The following TRAPPC9 variants were observed in gnomAD, a reference collection of about 807,000 sequenced individuals.
TRAPPC9 encodes the protein trafficking protein particle complex subunit 9.
TRAPPC9 carries 83 observed loss-of-function variants against 124.0 expected under a neutral mutation model. The ratio of observed to expected loss-of-function variants is 0.67; its 90% CI spans 0.56 to 0.80. The LOEUF is 0.80. Ranked by LOEUF, TRAPPC9 falls within the 30% of genes least tolerant of loss-of-function variation. The pLI, the probability that TRAPPC9 is intolerant of heterozygous loss-of-function variation, is 0.00. For synonymous variants in TRAPPC9, 638 were observed against 617.5 expected (o/e 1.03, Z -0.49); for missense variants, 1,302 against 1,508.3 (o/e 0.86, Z 2.27).
rs2071735768 is a variant in TRAPPC9, at chr8:140,457,696, G to A, written c.-68C>T. ...CCACGACCTGGCGGGCAGCGGGGCC[G>A]AGCAGCCTCTGCGGCCACTTCCCAG... On this transcript the variant is annotated 5_prime_UTR_variant, in exon 1 of 23. Transcript: ENST00000438773. The A allele has an allele frequency of 2.1e-5, 21 of 987,240 alleles. No homozygotes were observed. Among genetic ancestry groups the A allele is most frequent in the Non-Finnish European group, 2.3e-5 (19 of 831,220 alleles). The allele number at this position is 987,240 out of a possible 1,614,324, so 61.2% of individuals were successfully genotyped here.
At chr8:139,770,262 C>T (rs1365276074) in intron 21 of TRAPPC9, among the ~76,000 whole-genome samples, 1 of 152,274 alleles carries the variant, frequency 6.6e-6, no homozygotes, top group Non-Finnish European at 1.5e-5. Context: ...TCTGCTGCCA[C>T]CTCCCGACCT....
At chr8:140,014,858 C>T (rs546187686) in intron 18 of TRAPPC9, among the ~76,000 whole-genome samples, 2 of 152,200 alleles carry the variant, frequency 1.3e-5, no homozygotes, top group East Asian at 1.9e-4. Flanking sequence ...ATGGGATGCC[C>T]GACGCAACAC....
intron 16 of TRAPPC9, among the ~76,000 whole-genome samples, chr8:140,236,755 C>T (rs1312161502): frequency 1.3e-5 from 2 of 152,158 alleles, no homozygotes; most frequent in Admixed American, 6.5e-5. Flanking sequence ...AATGAAGAGA[C>T]ATACAATATT....
intron 17 of TRAPPC9, among the ~76,000 whole-genome samples, chr8:140,165,501 T>C (rs1232211727): frequency 6.7e-6 from 1 of 148,730 alleles, no homozygotes; most frequent in African/African-American, 2.5e-5. Context: ...ATCACGCCAC[T>C]GCACGCCAGC....
At chr8:140,106,035 T>TA (rs200155377) in intron 17 of TRAPPC9, among the ~76,000 whole-genome samples, 1,065 of 96,598 alleles carry the variant, frequency 0.011, 8 homozygotes, top group African/African-American at 0.03. Context: ...AATGATGAAC[T>TA]AAAAAAAAAA....
chr8:139,827,229 G>A (rs1353708844), intron 21 of TRAPPC9, among the ~76,000 whole-genome samples: 2 of 152,222 alleles, frequency 1.3e-5, no homozygotes, highest in Non-Finnish European at 2.9e-5. Flanking sequence ...CAGGGTAGTG[G>A]CTCCCTGTGC....
intron 17 of TRAPPC9, among the ~76,000 whole-genome samples, chr8:140,187,760 G>A (rs1334983197): frequency 1.3e-5 from 2 of 151,864 alleles, no homozygotes; most frequent in African/African-American, 4.8e-5. Context: ...CTGCAGCCTC[G>A]ACCTCCTGGG....
At chr8:140,065,702 C>G (rs1842865399) in intron 17 of TRAPPC9, among the ~76,000 whole-genome samples, 1 of 152,214 alleles carries the variant, frequency 6.6e-6, no homozygotes, top group African/African-American at 2.4e-5. Flanking sequence ...TTTAAGCCAT[C>G]TGTTGAAACC....
intron 21 of TRAPPC9, among the ~76,000 whole-genome samples, chr8:139,749,085 G>C (rs1045625896): frequency 1.3e-5 from 2 of 152,160 alleles, no homozygotes; most frequent in Non-Finnish European, 2.9e-5. Context: ...GTTCAAGGCT[G>C]TCTGATCACG....
chr8:139,934,967 G>A (rs554796306), intron 19 of TRAPPC9, among the ~76,000 whole-genome samples: 2 of 152,328 alleles, frequency 1.3e-5, no homozygotes, highest in East Asian at 3.9e-4. Flanking sequence ...CTTGTTGTGA[G>A]AATTAGGCAA....
intron 21 of TRAPPC9, among the ~76,000 whole-genome samples, chr8:139,749,032 G>T (rs1165846275): frequency 1.3e-5 from 2 of 152,122 alleles, no homozygotes; most frequent in Non-Finnish European, 2.9e-5. Context: ...TGTGGATGTA[G>T]AAATGACGAC....
chr8:140,418,600 A>G (rs971376610), intron 5 of TRAPPC9, among the ~76,000 whole-genome samples: 4 of 152,326 alleles, frequency 2.6e-5, no homozygotes, highest in Non-Finnish European at 5.9e-5. Context: ...ACATGCCTGT[A>G]GTCCCAGCTA....
chr8:140,004,951 C>T (rs548767371), intron 18 of TRAPPC9, among the ~76,000 whole-genome samples: 5 of 152,280 alleles, frequency 3.3e-5, no homozygotes, highest in South Asian at 2.1e-4. Context: ...TGTAAGCCTG[C>T]CTATCTTCTT....
intron 21 of TRAPPC9, among the ~76,000 whole-genome samples, chr8:139,879,299 T>C (rs1425542102): frequency 6.6e-6 from 1 of 152,144 alleles, no homozygotes; most frequent in Non-Finnish European, 1.5e-5. Context: ...TGGATTCCAC[T>C]GCGCGGGATG....
chr8:139,936,206 C>T lies in TRAPPC9; in HGVS notation c.2811-25906G>A, dbSNP rs577031095. Among the ~76,000 whole-genome samples the T allele has an allele frequency of 6.6e-5, 10 of 152,374 alleles. No individual in the cohort carries two copies. The South Asian group carries it at 1.2e-3, about 19-fold the overall frequency. On this transcript the variant is annotated intron_variant, in intron 19 of 22. Transcript: ENST00000438773. ...CCAGGAGCGCCACAGGCCAACAAAC[C>T]GTCTAGCACGCACCATCACAGCTCT...
intron 17 of TRAPPC9, among the ~76,000 whole-genome samples, chr8:140,074,068 G>A (rs1328175083): frequency 6.6e-6 from 1 of 152,158 alleles, no homozygotes; most frequent in African/African-American, 2.4e-5. Context: ...GCCCAATGCA[G>A]GTCTTTACCG....
At chr8:139,765,051 C>A (rs1206332792) in intron 21 of TRAPPC9, among the ~76,000 whole-genome samples, 1 of 152,174 alleles carries the variant, frequency 6.6e-6, no homozygotes, top group Non-Finnish European at 1.5e-5. Flanking sequence ...CACCTTCTTG[C>A]CAGTCTCTCC....
rs567383543 is a variant in TRAPPC9, at chr8:140,033,532, A to G, written c.2557-9453T>C. Among the ~76,000 whole-genome samples the G allele has an allele frequency of 6.8e-5, 10 of 145,992 alleles. No individual in the cohort carries two copies. The South Asian group carries it at 1.9e-3, about 28-fold the overall frequency. ...CACAAAAAGCACTAAACATCAAAGG[A>G]AAAAAAAAATTCATTTCCTTTAAGA... On this transcript the variant is annotated intron_variant, in intron 17 of 22. Transcript: ENST00000438773.
At chr8:140,267,348 T>C (rs140779389) in intron 15 of TRAPPC9, among the ~76,000 whole-genome samples, 68 of 152,334 alleles carry the variant, frequency 4.5e-4, no homozygotes, top group East Asian at 3.9e-3. Flanking sequence ...GAACAACTGC[T>C]ATCTGTAAAG....
Sources: gnomAD v4.1 joint callset for allele counts (sites outside exome capture counted in the v4.1 genomes callset) on GRCh38, gnomAD v4.1.1 for gene constraint, MANE v1.5 for transcripts, NCBI Gene and HGNC (gene_info 2026-07-23, HGNC 2026-07-21) for gene names.